Variants in PLCL1 observed in about 807,000 individuals in gnomAD.
The protein encoded by PLCL1 is phospholipase C like 1 (inactive).
PLCL1 carries 41 observed loss-of-function variants against 84.4 expected under a neutral mutation model. The observed-to-expected ratio is 0.49, with a 90% CI of 0.38 to 0.63. The LOEUF (loss-of-function observed/expected upper bound fraction) is 0.63. Among genes scored for constraint, PLCL1 ranks in the 30% least tolerant of loss-of-function variants. The probability of loss-of-function intolerance (pLI) is 0.00; values close to 1 mark genes in which losing one functional copy is unlikely to be tolerated. For synonymous variants in PLCL1, 490 were observed against 488.3 expected, an observed-to-expected ratio of 1.00 and a Z score of -0.05; for missense variants, 1,206 against 1,367.8, an observed-to-expected ratio of 0.88 and a Z score of 1.87.
At chr2:197,965,159 A>G (rs1331306925) in intron 1 of PLCL1, among the ~76,000 whole-genome samples, 1 of 152,142 alleles carries the variant, frequency 6.6e-6, no homozygotes, top group African/African-American at 2.4e-5. Flanking sequence ...AATATTTGGT[A>G]AAATTCAGCA....
intron 1 of PLCL1, chr2:198,071,172 A>G (rs1340066880): frequency 6.3e-6 from 1 of 159,102 alleles, no homozygotes; most frequent in Non-Finnish European, 1.3e-5. Context: ...TGCATCACCC[A>G]TTATATGGGC....
At chr2:197,951,997 A>G (rs1689399454) in intron 1 of PLCL1, among the ~76,000 whole-genome samples, 1 of 152,184 alleles carries the variant, frequency 6.6e-6, no homozygotes, top group African/African-American at 2.4e-5. Context: ...CTGTCTTTGT[A>G]ATAAGCATTC....
chr2:197,924,012 C>G (rs989623228), intron 1 of PLCL1, among the ~76,000 whole-genome samples: 58 of 150,906 alleles, frequency 3.8e-4, no homozygotes, highest in Non-Finnish European at 7.4e-4. Context: ...TCAGGCGTGG[C>G]GGCGCGTGCC....
chr2:197,929,800 C>G (rs1559048236), intron 1 of PLCL1, among the ~76,000 whole-genome samples: 1 of 152,110 alleles, frequency 6.6e-6, no homozygotes, highest in African/African-American at 2.4e-5. Flanking sequence ...ATCTTTGTTT[C>G]TCATTCGTTG....
intron 1 of PLCL1, among the ~76,000 whole-genome samples, chr2:197,975,117 C>A (rs575726819): frequency 1.6e-5 from 2 of 128,762 alleles, no homozygotes; most frequent in Non-Finnish European, 3.1e-5. Flanking sequence ...GTCCGCAGTC[C>A]GGCCTGGGCG....
chr2:197,905,242 C>T (rs920454222), intron 1 of PLCL1, among the ~76,000 whole-genome samples: 2 of 152,282 alleles, frequency 1.3e-5, no homozygotes, highest in East Asian at 1.9e-4. Flanking sequence ...GCTATCCCTC[C>T]CCTAGCACCC....
chr2:198,065,926 A>G (rs1692312249), intron 1 of PLCL1, among the ~76,000 whole-genome samples: 1 of 152,168 alleles, frequency 6.6e-6, no homozygotes, highest in Non-Finnish European at 1.5e-5. Flanking sequence ...GAACAATTTT[A>G]TTTCTAAATA....
chr2:198,047,296 G>A (rs1206545810), intron 1 of PLCL1, among the ~76,000 whole-genome samples: 2 of 152,046 alleles, frequency 1.3e-5, no homozygotes, highest in Admixed American at 6.6e-5. Context: ...TGAATCTCCC[G>A]CCTCAGCCTC....
intron 1 of PLCL1, among the ~76,000 whole-genome samples, chr2:197,974,761 A>T (rs1689933628): frequency 6.6e-6 from 1 of 152,212 alleles, no homozygotes; most frequent in African/African-American, 2.4e-5. Context: ...CGTTGGGGGA[A>T]ATTCTGACCC....
intron 1 of PLCL1, among the ~76,000 whole-genome samples, chr2:197,937,108 T>A (rs1187154067): frequency 4.6e-5 from 7 of 152,192 alleles, no homozygotes; most frequent in Non-Finnish European, 8.8e-5. Context: ...ATAAATTTAT[T>A]TCTGGGATGT....
intron 1 of PLCL1, among the ~76,000 whole-genome samples, chr2:197,819,675 G>A (rs1307016227): frequency 6.6e-6 from 1 of 152,054 alleles, no homozygotes; most frequent in Non-Finnish European, 1.5e-5. Flanking sequence ...GATTATTTGT[G>A]ATAATTAGAT....
At chr2:197,881,585 C>G (rs531349014) in intron 1 of PLCL1, among the ~76,000 whole-genome samples, 3 of 152,016 alleles carry the variant, frequency 2.0e-5, no homozygotes, top group Non-Finnish European at 4.4e-5. Context: ...GTGACCTTGG[C>G]AACTCACTTA....
At chr2:198,059,140 G>T (rs1158667329) in intron 1 of PLCL1, among the ~76,000 whole-genome samples, 2 of 152,062 alleles carry the variant, frequency 1.3e-5, no homozygotes, top group African/African-American at 4.8e-5. Context: ...CTACTCTCCT[G>T]TATTCTTGTG....
At chr2:198,058,608 A>G (rs1692119545) in intron 1 of PLCL1, among the ~76,000 whole-genome samples, 2 of 151,406 alleles carry the variant, frequency 1.3e-5, no homozygotes, top group Non-Finnish European at 2.9e-5. Context: ...TTATATTAAT[A>G]AATATAATTA....
At chr2:198,072,647 GTTTTC>G (rs1026634614) in intron 1 of PLCL1, among the ~76,000 whole-genome samples, 54 of 152,068 alleles carry the variant, frequency 3.6e-4, no homozygotes, top group African/African-American at 1.1e-3. Context: ...TGTTAAGGAA[GTTTTC>G]TTCTCTTCTC....
At chr2:198,052,775 G>T (rs1175488128) in intron 1 of PLCL1, among the ~76,000 whole-genome samples, 1 of 152,106 alleles carries the variant, frequency 6.6e-6, no homozygotes, top group African/African-American at 2.4e-5. Context: ...GCTGATTCTG[G>T]GCCTTGGACT....
intron 1 of PLCL1, among the ~76,000 whole-genome samples, chr2:197,923,194 G>T (rs1688749667): frequency 6.9e-6 from 1 of 144,056 alleles, no homozygotes; most frequent in African/African-American, 2.6e-5. Context: ...GGGGCGGCTG[G>T]CCGGGCGGGG....
In PLCL1 at chr2:198,085,311, G is replaced by A. The variant is rs146000716; in HGVS notation, c.1794G>A (p.Arg598=). ...LVSICKSVQY[R]DFELSMKSQN... The stretch of plus-strand genomic sequence containing the variant: ...CTATTTGTAAATCTGTTCAATACAG[G>A]GATTTTGAACTATCTATGAAAAGCC... Residue 598 remains arginine, a synonymous_variant, in exon 2 of 6, where the codon AGG becomes AGA. Transcript: ENST00000428675. The surrounding 1 kb of genome is among the most constrained non-coding windows in gnomAD (Gnocchi z 5.3). The A allele has an allele frequency of 1.2e-6, 2 of 1,613,348 alleles. No homozygotes were observed. Among genetic ancestry groups the A allele is most frequent in the Admixed American group, 1.7e-5 (1 of 59,994 alleles).
At chr2:197,947,516 A>G (rs1689305465) in intron 1 of PLCL1, among the ~76,000 whole-genome samples, 1 of 152,120 alleles carries the variant, frequency 6.6e-6, no homozygotes, top group Admixed American at 6.6e-5. Context: ...ATTTGGTTAG[A>G]GACCTTAATG....
Sources: allele counts gnomAD v4.1 joint callset (sites outside exome capture counted in the v4.1 genomes callset), GRCh38; gene constraint gnomAD v4.1.1; non-coding constraint Gnocchi (gnomAD v3.1); transcripts MANE v1.5; gene names NCBI Gene and HGNC (gene_info 2026-07-23, HGNC 2026-07-21).